The following IL1RAPL1 variants were observed in gnomAD, a reference collection of about 807,000 sequenced individuals.
IL1RAPL1 encodes interleukin 1 receptor accessory protein like 1, also known as interleukin-1 receptor accessory protein-like 1.
A neutral mutation model predicts 48.4 loss-of-function variants in IL1RAPL1; 3 were observed. The observed-to-expected ratio is 0.06, with a 90% CI of 0.03 to 0.16. IL1RAPL1 has a LOEUF of 0.16. IL1RAPL1 is among the 10% of genes least tolerant of loss of function. The pLI is 1.00. For synonymous variants in IL1RAPL1, 185 were observed against 187.7 expected, an observed-to-expected ratio of 0.99 and a Z score of 0.12; for missense variants, 349 against 530.6, an observed-to-expected ratio of 0.66 and a Z score of 3.36.
chrX:29,115,346 A>G (rs1928657480), intron 2 of IL1RAPL1, among the ~76,000 whole-genome samples: 1 of 111,382 alleles, frequency 9.0e-6, no homozygotes, highest in Admixed American at 9.6e-5. Context: ...TTCCACATGC[A>G]TGTGTTGAAA....
At chrX:28,895,828 C>T (rs1030079812) in intron 2 of IL1RAPL1, among the ~76,000 whole-genome samples, 13 of 111,486 alleles carry the variant, frequency 1.2e-4, no homozygotes, top group East Asian at 2.8e-4. Context: ...TGTAGGCTTC[C>T]GAGGCAATCA....
At chrX:29,217,773 T>TCACACA (rs781735855) in intron 2 of IL1RAPL1, among the ~76,000 whole-genome samples, 6 of 71,071 alleles carry the variant, frequency 8.4e-5, no homozygotes, top group African/African-American at 1.6e-4. Flanking sequence ...TCTCTCTCTC[T>TCACACA]CTCTCACACA....
At chrX:29,181,663 C>A (rs1930146833) in intron 2 of IL1RAPL1, among the ~76,000 whole-genome samples, 2 of 111,390 alleles carry the variant, frequency 1.8e-5, no homozygotes, top group African/African-American at 6.5e-5. Flanking sequence ...AAATTATGCC[C>A]CTGTGGTATT....
At chrX:28,750,844 TATC>T (rs1276418296) in intron 1 of IL1RAPL1, among the ~76,000 whole-genome samples, 2 of 112,137 alleles carry the variant, frequency 1.8e-5, no homozygotes, top group Non-Finnish European at 3.8e-5. Context: ...AGAGGATACT[TATC>T]AGGAAGTGAG....
At chrX:28,710,269 A>C (rs947090732) in intron 1 of IL1RAPL1, among the ~76,000 whole-genome samples, 32 of 109,917 alleles carry the variant, frequency 2.9e-4, no homozygotes, top group African/African-American at 1.0e-3. Flanking sequence ...CAATAAGCAG[A>C]ATAAATAAGT....
At chrX:29,948,357 TCAAG>T (rs1042678043) in intron 9 of IL1RAPL1, among the ~76,000 whole-genome samples, 4 of 111,670 alleles carry the variant, frequency 3.6e-5, no homozygotes, top group African/African-American at 1.3e-4. Flanking sequence ...ACTGTACAAG[TCAAG>T]CAAATTTATT....
In IL1RAPL1 at chrX:29,956,627, C is replaced by T. The variant is rs763151512; in HGVS notation, c.*807C>T. On this transcript the variant is annotated 3_prime_UTR_variant, in exon 11 of 11. Transcript: ENST00000378993. ...TGAAATTGGGGAAGAGTGTTATTTC[C>T]GTTTTTTAAATGAGTTGATGTACCC... 16 of 101,398 alleles carry T rather than the reference C, an allele frequency of 1.6e-4. No homozygotes were observed. Among genetic ancestry groups the T allele is most frequent in the Admixed American group, 1.1e-3 (10 of 8,891 alleles). The allele number at this position is 101,398 out of a possible 1,213,427, so 8.4% of individuals were successfully genotyped here.
intron 2 of IL1RAPL1, among the ~76,000 whole-genome samples, chrX:29,202,684 A>C (rs1209875821): frequency 1.8e-5 from 2 of 112,278 alleles, no homozygotes; most frequent in Admixed American, 9.5e-5. Flanking sequence ...TGCCATAAAA[A>C]AGAATGAAAT....
intron 1 of IL1RAPL1, among the ~76,000 whole-genome samples, chrX:28,755,423 A>G (rs957269444): frequency 8.9e-6 from 1 of 112,509 alleles, no homozygotes; most frequent in Non-Finnish European, 1.9e-5. Context: ...TAGTTTTTCA[A>G]CTGCACTAGT....
chrX:29,331,789 T>C (rs1333857251), intron 3 of IL1RAPL1, among the ~76,000 whole-genome samples: 1 of 111,875 alleles, frequency 8.9e-6, no homozygotes, highest in Non-Finnish European at 1.9e-5. Flanking sequence ...TGGTTCAGTG[T>C]GGCACAGGCT....
At chrX:29,307,746 AAGAGAC>A (rs1371482109) in intron 3 of IL1RAPL1, among the ~76,000 whole-genome samples, 1 of 112,270 alleles carries the variant, frequency 8.9e-6, no homozygotes, top group East Asian at 2.8e-4. Flanking sequence ...CAAATATAGT[AAGAGAC>A]ACAATCAACA....
In IL1RAPL1 at chrX:29,522,992, A is replaced by G. The variant is rs145846899; in HGVS notation, c.703+123684A>G. 3.8e-3 allele frequency among the ~76,000 whole-genome samples: 427 copies of G among 111,363 alleles called. 3 individuals are homozygous for G. The highest frequency in any genetic ancestry group is 0.013 in the African/African-American group (400 of 30,677). On this transcript the variant is annotated intron_variant, in intron 5 of 10. Coordinates refer to ENST00000378993, the MANE Select transcript of IL1RAPL1 (RefSeq NM_014271.4). ...TAGGTCCTTGTAGCGACAATTTTAGAAACACCCCTTTCTTGTGTTTATACT... is the reference window on the plus strand; with the variant it reads ...TAGGTCCTTGTAGCGACAATTTTAGGAACACCCCTTTCTTGTGTTTATACT...
intron 3 of IL1RAPL1, among the ~76,000 whole-genome samples, chrX:29,313,276 TGTGTGTGTGTGCGC>T (rs955362567): frequency 4.8e-5 from 4 of 82,712 alleles, no homozygotes; most frequent in African/African-American, 1.4e-4. Context: ...TGTGTGTGTG[TGTGTGTGTGTGCGC>T]GCGCACATGC....
At chrX:28,923,269 C>T (rs1242632781) in intron 2 of IL1RAPL1, among the ~76,000 whole-genome samples, 4 of 110,006 alleles carry the variant, frequency 3.6e-5, no homozygotes, top group East Asian at 2.8e-4. Flanking sequence ...CTCTGCCTCC[C>T]GGGTTCAAGC....
chrX:29,264,999 G>A (rs1035911558), intron 2 of IL1RAPL1, among the ~76,000 whole-genome samples: 1 of 111,339 alleles, frequency 9.0e-6, no homozygotes, highest in East Asian at 2.8e-4. Context: ...TGCAACCTCC[G>A]CCTCCCGGGT....
At chrX:28,738,036 A>C (rs1935865179) in intron 1 of IL1RAPL1, among the ~76,000 whole-genome samples, 1 of 112,153 alleles carries the variant, frequency 8.9e-6, no homozygotes, top group Admixed American at 9.5e-5. Flanking sequence ...GAAGGGAAAT[A>C]ATTATCCATT....
intron 6 of IL1RAPL1, among the ~76,000 whole-genome samples, chrX:29,783,858 A>G (rs1263202019): frequency 4.4e-5 from 5 of 112,498 alleles, no homozygotes; most frequent in Non-Finnish European, 9.4e-5. Context: ...AGTAAGAACA[A>G]AACTCCGATT....
At chrX:29,335,102 C>T (rs746205601) in intron 3 of IL1RAPL1, among the ~76,000 whole-genome samples, 1 of 110,667 alleles carries the variant, frequency 9.0e-6, no homozygotes, top group African/African-American at 3.3e-5. Flanking sequence ...AGCAAAACCC[C>T]GTCTCCACCA....
chrX:28,759,558 A>G (rs1271822011), intron 1 of IL1RAPL1, among the ~76,000 whole-genome samples: 1 of 111,915 alleles, frequency 8.9e-6, no homozygotes, highest in Non-Finnish European at 1.9e-5. Flanking sequence ...CCGACTCATT[A>G]TTCTGCAAAG....
Sources: allele counts gnomAD v4.1 joint callset (sites outside exome capture counted in the v4.1 genomes callset), GRCh38; gene constraint gnomAD v4.1.1; transcripts MANE v1.5; gene names NCBI Gene and HGNC (gene_info 2026-07-23, HGNC 2026-07-21).